The following GNG2 variants were observed in gnomAD, a reference collection of about 807,000 sequenced individuals.
GNG2 encodes the protein guanine nucleotide-binding protein G(I)/G(S)/G(O) subunit gamma-2.
Under a neutral mutation model 5.5 loss-of-function variants are expected in GNG2, and 5 were observed. That is an observed-to-expected ratio of 0.91 (90% confidence interval 0.48 to 1.92). The LOEUF is 1.92. GNG2 is among the 30% of genes most tolerant of loss of function. The pLI, the probability that GNG2 is intolerant of heterozygous loss-of-function variation, is 0.01. For missense variants in GNG2, 55 were observed against 88.4 expected, an observed-to-expected ratio of 0.62 and a Z score of 1.52; for synonymous variants, 28 against 32.0, an observed-to-expected ratio of 0.88 and a Z score of 0.42.
chr14:51,958,999 C>A (rs1238980224), intron 3 of GNG2, among the ~76,000 whole-genome samples: 1 of 152,178 alleles, frequency 6.6e-6, no homozygotes, highest in Admixed American at 6.6e-5. Flanking sequence ...GATGTCTTGG[C>A]AGCATTTGAC....
At chr14:51,919,070 C>T (rs1886843151) in intron 2 of GNG2, among the ~76,000 whole-genome samples, 1 of 152,160 alleles carries the variant, frequency 6.6e-6, no homozygotes, top group South Asian at 2.1e-4. Context: ...GATGATCTGC[C>T]CGCCTCAGCC....
chr14:51,937,889 G>A (rs1021548776), intron 2 of GNG2, among the ~76,000 whole-genome samples: 1 of 152,172 alleles, frequency 6.6e-6, no homozygotes. Context: ...GGCCTGAAGG[G>A]GAGAAGGGAG....
intron 2 of GNG2, among the ~76,000 whole-genome samples, chr14:51,836,960 C>T (rs145029112): frequency 2.0e-5 from 3 of 149,494 alleles, no homozygotes; most frequent in Admixed American, 1.3e-4. Flanking sequence ...CGGGTTCAAG[C>T]GATTCTCCTG....
At chr14:51,944,412 C>T (rs79124945) in intron 2 of GNG2, among the ~76,000 whole-genome samples, 1,725 of 152,274 alleles carry the variant, frequency 0.011, 14 homozygotes, top group Non-Finnish European at 0.017. Flanking sequence ...TATAAGAGTA[C>T]TAATATAATT....
At chr14:51,830,137 A>T (rs1881142190) in intron 2 of GNG2, among the ~76,000 whole-genome samples, 1 of 152,050 alleles carries the variant, frequency 6.6e-6, no homozygotes, top group South Asian at 2.1e-4. Flanking sequence ...CACCATGCCC[A>T]GCTCACTCCC....
upstream of GNG2, among the ~76,000 whole-genome samples, chr14:51,856,004 C>T (rs528799602): frequency 2.6e-5 from 4 of 152,296 alleles, no homozygotes; most frequent in East Asian, 7.7e-4. Context: ...AAAATGCCAT[C>T]TGTACAAAAA....
intron 1 of GNG2, among the ~76,000 whole-genome samples, chr14:51,873,058 C>T (rs1883416571): frequency 1.3e-5 from 2 of 152,152 alleles, no homozygotes; most frequent in South Asian, 4.1e-4. Flanking sequence ...AGTGTACAAA[C>T]TCAAATTAAT....
At chr14:51,912,543 A>C (rs1197308944) in intron 2 of GNG2, among the ~76,000 whole-genome samples, 1 of 152,138 alleles carries the variant, frequency 6.6e-6, no homozygotes, top group African/African-American at 2.4e-5. Context: ...TCCAGGACAA[A>C]ACTCCTCTGT....
chr14:51,842,912 G>A (rs563675930), intron 2 of GNG2, among the ~76,000 whole-genome samples: 5 of 152,142 alleles, frequency 3.3e-5, no homozygotes, highest in South Asian at 4.2e-4. Flanking sequence ...TGATCTGCCC[G>A]CCTCGGTTTC....
intron 1 of GNG2, among the ~76,000 whole-genome samples, chr14:51,869,945 C>A (rs2140119235): frequency 6.6e-6 from 1 of 152,282 alleles, no homozygotes; most frequent in African/African-American, 2.4e-5. Context: ...CTCCCGAGGC[C>A]ATGGAGCAGC....
At chr14:51,928,398 A>G (rs1055191214) in intron 2 of GNG2, among the ~76,000 whole-genome samples, 4 of 152,152 alleles carry the variant, frequency 2.6e-5, no homozygotes, top group African/African-American at 9.7e-5. Context: ...ACAAGAACAG[A>G]TAATATCATC....
At chr14:51,871,223 T>C (rs1363749432) in intron 1 of GNG2, among the ~76,000 whole-genome samples, 1 of 152,120 alleles carries the variant, frequency 6.6e-6, no homozygotes, top group African/African-American at 2.4e-5. Context: ...CATTAAGGCA[T>C]TTCATTGACA....
chr14:51,886,595 G>A (rs1470408090), intron 2 of GNG2, among the ~76,000 whole-genome samples: 1 of 152,172 alleles, frequency 6.6e-6, no homozygotes, highest in Admixed American at 6.5e-5. Flanking sequence ...CTGCAAGGGA[G>A]AATGCAGTTT....
chr14:51,851,452 A>G (rs1335422746), intron 2 of GNG2, among the ~76,000 whole-genome samples: 1 of 152,216 alleles, frequency 6.6e-6, no homozygotes, highest in Non-Finnish European at 1.5e-5. Context: ...TATATCATAA[A>G]TGGGAACAGT....
chr14:51,931,758 C>T (rs1861945641), intron 2 of GNG2, among the ~76,000 whole-genome samples: 1 of 152,154 alleles, frequency 6.6e-6, no homozygotes, highest in African/African-American at 2.4e-5. Flanking sequence ...GGTTCAACTG[C>T]TTTGGAAAAC....
intron 2 of GNG2, among the ~76,000 whole-genome samples, chr14:51,830,261 C>A (rs564464965): frequency 6.6e-6 from 1 of 152,288 alleles, no homozygotes; most frequent in South Asian, 2.1e-4. Context: ...TTTCATCTTA[C>A]TGATTTCAAA....
At chr14:51,872,744 A>G (rs1450966483) in intron 1 of GNG2, among the ~76,000 whole-genome samples, 1 of 151,904 alleles carries the variant, frequency 6.6e-6, no homozygotes, top group East Asian at 1.9e-4. Context: ...AAGGTCTAAA[A>G]TGATATTTAT....
intron 2 of GNG2, among the ~76,000 whole-genome samples, chr14:51,916,706 T>C (rs972891404): frequency 6.6e-6 from 1 of 152,014 alleles, no homozygotes; most frequent in African/African-American, 2.4e-5. Flanking sequence ...CCCAGGTTGG[T>C]GTAGGTATCC....
At chr14:51,893,213 C>T (rs1884976865) in intron 2 of GNG2, among the ~76,000 whole-genome samples, 1 of 152,142 alleles carries the variant, frequency 6.6e-6, no homozygotes, top group Non-Finnish European at 1.5e-5. Flanking sequence ...AAGGTTGTAG[C>T]AATTTGGATG....
Sources: gnomAD v4.1 joint callset for allele counts (sites outside exome capture counted in the v4.1 genomes callset) on GRCh38, gnomAD v4.1.1 for gene constraint, MANE v1.5 for transcripts, NCBI Gene and HGNC (gene_info 2026-07-23, HGNC 2026-07-21) for gene names.